Variants in PCDHA10 observed in about 807,000 individuals in gnomAD.
The protein encoded by PCDHA10 is protocadherin alpha-10.
PCDHA10 carries 45 observed loss-of-function variants against 61.2 expected under a neutral mutation model. That is an observed-to-expected ratio of 0.74 (90% CI 0.58 to 0.94). The LOEUF (loss-of-function observed/expected upper bound fraction) is 0.94. PCDHA10 is among the 40% of genes least tolerant of loss of function. The pLI is 0.00. For missense variants in PCDHA10, 1,278 were observed against 1,236.2 expected, an observed-to-expected ratio of 1.03 and a Z score of -0.51; for synonymous variants, 602 against 548.8, an observed-to-expected ratio of 1.10 and a Z score of -1.35.
At chr5:141,002,583 C>T (rs781898349) in intron 3 of PCDHA10, among the ~76,000 whole-genome samples, 6 of 152,176 alleles carry the variant, frequency 3.9e-5, no homozygotes, top group Non-Finnish European at 7.3e-5. Context: ...GACCATTAGT[C>T]CTTAGTCCCC....
At chr5:140,989,325 G>A (rs1389327103) in intron 3 of PCDHA10, among the ~76,000 whole-genome samples, 5 of 152,164 alleles carry the variant, frequency 3.3e-5, no homozygotes, top group African/African-American at 1.2e-4. Flanking sequence ...CACCAACTTT[G>A]CCACCTGACT....
chr5:140,885,011 C>T (rs545880418), intron 1 of PCDHA10, among the ~76,000 whole-genome samples: 16 of 152,240 alleles, frequency 1.1e-4, no homozygotes, highest in Admixed American at 5.9e-4. Context: ...TGAGGCTAAT[C>T]GTAATCTTAA....
chr5:140,896,491 T>A (rs2065573741), intron 1 of PCDHA10, among the ~76,000 whole-genome samples: 1 of 152,042 alleles, frequency 6.6e-6, no homozygotes, highest in South Asian at 2.1e-4. Flanking sequence ...GCCTCCTGAG[T>A]AGCTGGGACT....
intron 1 of PCDHA10, among the ~76,000 whole-genome samples, chr5:140,921,213 G>A (rs759293646): frequency 1.3e-5 from 2 of 151,378 alleles, no homozygotes; most frequent in East Asian, 1.9e-4. Context: ...GATAATTCAC[G>A]TCTTTTTTGC....
intron 1 of PCDHA10, among the ~76,000 whole-genome samples, chr5:140,937,039 CTTTT>C (rs34994034): frequency 1.4e-5 from 2 of 140,156 alleles, no homozygotes; most frequent in African/African-American, 2.6e-5. Flanking sequence ...TTCCATTTAT[CTTTT>C]TTTTTTTTTT....
Position 140,856,750 on chromosome 5 carries a change from C to G in PCDHA10, c.702C>G (p.Ala234=), listed in dbSNP as rs1554149043. The G allele has an allele frequency of 6.3e-7, 1 of 1,596,268 alleles. No individual in the cohort carries two copies. The highest frequency in any genetic ancestry group is 1.3e-5 in the African/African-American group (1 of 74,242). Residue 234 remains alanine (A), a synonymous_variant, in exon 1 of 4, where the codon GCC becomes GCG. Transcript: ENST00000307360. Reference sequence around the variant, plus strand: ...CTCTGCTGATCCTGGTGTTAGATGCCAATGATAACGCCCCTATCTTTGACA... The same window carrying G: ...CTCTGCTGATCCTGGTGTTAGATGCGAATGATAACGCCCCTATCTTTGACA... ...SVSLLILVLD[A]NDNAPIFDRP... is the part of the protein sequence containing the mutation.
intron 1 of PCDHA10, among the ~76,000 whole-genome samples, chr5:140,896,590 T>G (rs1338982892): frequency 6.6e-6 from 1 of 152,032 alleles, no homozygotes; most frequent in Non-Finnish European, 1.5e-5. Flanking sequence ...TTGGCCAGGC[T>G]GGTCTCGAAC....
chr5:140,893,863 A>G (rs568224949), intron 1 of PCDHA10, among the ~76,000 whole-genome samples: 1 of 152,300 alleles, frequency 6.6e-6, no homozygotes, highest in African/African-American at 2.4e-5. Context: ...GTATAGAAAC[A>G]ACCCAGATCC....
At chr5:140,979,063 A>G (rs1245308340) in intron 2 of PCDHA10, 56 bp downstream of exon 2, 3 of 1,604,438 alleles carry the variant, frequency 1.9e-6, no homozygotes, top group East Asian at 4.5e-5. Context: ...TATGGCTCAG[A>G]TAAACTGCAT....
chr5:140,966,740 C>T lies in PCDHA10; in HGVS notation c.2389-12209C>T, dbSNP rs782420339. 10 of 1,422,580 alleles carry T rather than the reference C, an allele frequency of 7.0e-6. No individual in the cohort carries two copies. In the Admixed American group the frequency reaches 8.4e-5, roughly 12 times the overall value. 88.1% of individuals were successfully genotyped at this position (1,422,580 alleles called of 1,614,324 possible). ...GGAAGCTGCCGCCTCCGGCCCTGCC[C>T]GGCTGCCTCCGCCGCGGCCAGTGGC... On this transcript the variant is annotated intron_variant, in intron 1 of 3. Transcript: ENST00000307360.
intron 1 of PCDHA10, among the ~76,000 whole-genome samples, chr5:140,943,498 A>T (rs2093507311): frequency 6.6e-6 from 1 of 152,164 alleles, no homozygotes; most frequent in Admixed American, 6.6e-5. Flanking sequence ...GATGCTATCA[A>T]GGTTCATGGA....
chr5:141,001,017 A>G (rs1414857051), intron 3 of PCDHA10, among the ~76,000 whole-genome samples: 2 of 152,240 alleles, frequency 1.3e-5, no homozygotes, highest in Admixed American at 1.3e-4. Flanking sequence ...TTAGATATAC[A>G]CTTATAATAA....
At chr5:140,920,294 A>T (rs1554199563) in intron 1 of PCDHA10, among the ~76,000 whole-genome samples, 9 of 152,206 alleles carry the variant, frequency 5.9e-5, no homozygotes. Context: ...TTTTAGAGGC[A>T]CTAAGAGAAA....
intron 3 of PCDHA10, among the ~76,000 whole-genome samples, chr5:140,998,480 G>A (rs782244125): frequency 6.6e-6 from 1 of 151,974 alleles, no homozygotes; most frequent in Non-Finnish European, 1.5e-5. Context: ...CCACTGTGCT[G>A]TAACTCTTTG....
At chr5:140,977,126 T>C (rs782356713) in intron 1 of PCDHA10, among the ~76,000 whole-genome samples, 27 of 152,240 alleles carry the variant, frequency 1.8e-4, no homozygotes, top group Admixed American at 4.6e-4. Context: ...GAACTGAGTT[T>C]CCTGGTCAGT....
At chr5:140,958,078 G>A (rs1447110228) in intron 1 of PCDHA10, among the ~76,000 whole-genome samples, 1 of 152,064 alleles carries the variant, frequency 6.6e-6, no homozygotes, top group Admixed American at 6.6e-5. Flanking sequence ...GAAGCAAAAA[G>A]TAAAGTTGTA....
chr5:140,863,527 G>C, intron 1 of PCDHA10: 1 of 392,272 alleles, frequency 2.5e-6, no homozygotes, highest in Non-Finnish European at 5.0e-6. Context: ...CCATGGTTCA[G>C]ATTTTGGAGA....
At chr5:140,969,513 A>G (rs2096339726) in intron 1 of PCDHA10, 1 of 1,417,106 alleles carries the variant, frequency 7.1e-7, no homozygotes, top group Non-Finnish European at 9.4e-7. Context: ...ATAGCACTAA[A>G]GAATTGTTTT....
At chr5:140,959,548 A>G (rs1554224134) in intron 1 of PCDHA10, among the ~76,000 whole-genome samples, 2 of 152,194 alleles carry the variant, frequency 1.3e-5, no homozygotes, top group Non-Finnish European at 2.9e-5. Flanking sequence ...ATGCTGTATA[A>G]ATAGAATCAG....
Sources: gnomAD v4.1 joint callset for allele counts (sites outside exome capture counted in the v4.1 genomes callset) on GRCh38, gnomAD v4.1.1 for gene constraint, MANE v1.5 for transcripts, NCBI Gene and HGNC (gene_info 2026-07-23, HGNC 2026-07-21) for gene names.